ABCA5: variants seen among roughly 807,000 people sequenced by gnomAD.
ABCA5 encodes ATP binding cassette subfamily A member 5, also known as cholesterol transporter ABCA5.
In ABCA5, 163 loss-of-function variants were observed where a neutral mutation model predicts 206.0. The ratio of observed to expected loss-of-function variants is 0.79; its 90% CI spans 0.70 to 0.90. ABCA5 has a LOEUF of 0.90. ABCA5 is among the 40% of genes least tolerant of loss of function. The probability of loss-of-function intolerance (pLI) is 0.00; values close to 1 mark genes in which losing one functional copy is unlikely to be tolerated. For synonymous variants in ABCA5, 609 were observed against 613.8 expected, an observed-to-expected ratio of 0.99 and a Z score of 0.11; for missense variants, 1,859 against 1,912.9, an observed-to-expected ratio of 0.97 and a Z score of 0.53.
chr17:69,277,929 G>A (rs1440951389), intron 18 of ABCA5, 87 bp from the exon 19 acceptor site: 3 of 995,716 alleles, frequency 3.0e-6, no homozygotes, highest in Non-Finnish European at 4.3e-6. Context: ...AAGAAGCATT[G>A]GTCTGGCAGT....
rs772306933 is a variant in ABCA5 at position 69,270,584 on chromosome 17, G to A, written c.3030+29C>T. ...TTATTATATATATGACATGCATATG[G>A]AAATTTATCTGTATATACATTGGCT... On this transcript the variant is annotated intron_variant, in intron 22 of 38. Transcript: ENST00000392676. 2.6e-6 allele frequency: 4 copies of A among 1,545,388 alleles called. No individual in the cohort carries two copies. The South Asian group carries it at 5.1e-5, about 20-fold the overall frequency.
At position 69,270,638 on chromosome 17, in the gene ABCA5, T is replaced by C. The variant is rs757856122; in HGVS notation, c.3005A>G (p.Gln1002Arg). The C allele has an allele frequency of 6.3e-7, 1 of 1,595,472 alleles. No individual in the cohort carries two copies. The highest frequency in any genetic ancestry group is 8.5e-7 in the Non-Finnish European group (1 of 1,173,682). The change falls in exon 22 of 39, where the codon CAG becomes CGG. Residue 1002 changes from glutamine to arginine, a missense_variant. By Grantham distance (43) the Gln-to-Arg change is conservative. Transcript: ENST00000392676. Reference protein sequence around the residue: ...LYHLNVTETIQIWSTPFFQEI... With the variant: ...LYHLNVTETIRIWSTPFFQEI... ...TTGAAAGAATGGGGTACTCCAGATC[T>C]GGATGGTTTCAGTCACATTTAAATG... is the stretch of plus-strand genomic sequence containing the variant.
At chr17:69,273,912 C>A in intron 20 of ABCA5, 47 bp downstream of exon 20, 1 of 1,544,926 alleles carries the variant, frequency 6.5e-7, no homozygotes, top group Admixed American at 2.1e-5. Context: ...CCCCTCAACC[C>A]CATGCTCCAT....
intron 7 of ABCA5, among the ~76,000 whole-genome samples, chr17:69,303,845 C>CATATAT (rs1421146542): frequency 1.8e-3 from 11 of 6,208 alleles, no homozygotes; most frequent in South Asian, 9.3e-3. Context: ...TATATACATA[C>CATATAT]ATATATATAT....
At chr17:69,262,179 T>A (rs1446926436) in intron 24 of ABCA5, among the ~76,000 whole-genome samples, 2 of 152,188 alleles carry the variant, frequency 1.3e-5, no homozygotes, top group East Asian at 3.8e-4. Context: ...CATGTGAACA[T>A]GAATGCAAAT....
chr17:69,271,325 GT>G (rs1459566290), intron 20 of ABCA5, 36 bp from the exon 21 acceptor site: 18 of 1,579,784 alleles, frequency 1.1e-5, no homozygotes, highest in Non-Finnish European at 1.5e-5. Flanking sequence ...TAAAAAATGA[GT>G]CTAAACGAGG....
intron 9 of ABCA5, 25 bp downstream of exon 9, chr17:69,301,114 T>G: frequency 6.7e-7 from 1 of 1,488,552 alleles, no homozygotes; most frequent in Non-Finnish European, 8.9e-7. Flanking sequence ...ATCTTTAAAG[T>G]AAAATTCAAA....
In ABCA5 at chr17:69,304,816, A is replaced by G. The variant is rs1423359214; in HGVS notation, c.789-6T>C. The G allele has an allele frequency of 6.3e-7, 1 of 1,583,854 alleles. No individual in the cohort carries two copies. The highest frequency in any genetic ancestry group is 8.6e-7 in the Non-Finnish European group (1 of 1,167,798). On this transcript the variant is annotated splice_region_variant and splice_polypyrimidine_tract_variant and intron_variant, in intron 6 of 38. Coordinates refer to ENST00000392676, the MANE Select transcript of ABCA5 (RefSeq NM_172232.4). ...ATAGAAGAACCCAGGAAAGCCTAAA[A>G]TGAGAATACAGATATAGTTATGGTC...
chr17:69,293,993 C>T (rs2075558630), intron 11 of ABCA5, among the ~76,000 whole-genome samples: 1 of 151,802 alleles, frequency 6.6e-6, no homozygotes, highest in Admixed American at 6.6e-5. Flanking sequence ...ATTATCAGGA[C>T]CAAAATGTCA....
intron 18 of ABCA5, among the ~76,000 whole-genome samples, chr17:69,278,642 T>C (rs1166447559): frequency 1.3e-5 from 2 of 152,224 alleles, no homozygotes; most frequent in East Asian, 3.8e-4. Flanking sequence ...GTAGTGTGAA[T>C]AAGGTATGTC....
intron 5 of ABCA5, 36 bp downstream of exon 5, chr17:69,308,244 G>T: frequency 7.7e-7 from 1 of 1,305,700 alleles, no homozygotes. Context: ...TTTTAAAATG[G>T]CATAGTTTTT....
intron 1 of ABCA5, chr17:69,315,452 G>A (rs2075806642): frequency 6.6e-6 from 1 of 152,166 alleles, no homozygotes; most frequent in African/African-American, 2.4e-5. Context: ...AAAACCCAAA[G>A]TCTCATACAA....
In ABCA5 at chr17:69,248,124, T is replaced by C. The variant is rs2144882847; in HGVS notation, c.4821+138A>G. 1.9e-5 allele frequency: 10 copies of C among 529,848 alleles called. No individual in the cohort carries two copies. The South Asian group carries it at 2.8e-4, about 15-fold the overall frequency. 32.8% of individuals were successfully genotyped at this position (529,848 alleles called of 1,614,324 possible). On this transcript the variant is annotated intron_variant, in intron 38 of 38. Transcript: ENST00000392676. The stretch of plus-strand genomic sequence containing the variant: ...GTGAAGAACCTAAGGTTGATTAAAA[T>C]TATACCAAGTTTAAGATCATTCTGT...
intron 1 of ABCA5, among the ~76,000 whole-genome samples, chr17:69,319,320 A>C (rs995687176): frequency 2.6e-5 from 4 of 152,208 alleles, no homozygotes; most frequent in Non-Finnish European, 2.9e-5. Flanking sequence ...TTGGATGCTT[A>C]ACTCTTCATT....
chr17:69,261,434 C>T (rs1261879085), intron 25 of ABCA5, among the ~76,000 whole-genome samples, 175 bp from the exon 26 acceptor site: 3 of 151,994 alleles, frequency 2.0e-5, no homozygotes, highest in South Asian at 2.1e-4. Flanking sequence ...CCTTGATACA[C>T]TAGTTGCTAA....
rs2075051599 is a variant in ABCA5 at position 69,254,425 on chromosome 17, G to C, written c.4134C>G (p.Tyr1378Ter). 1.2e-6 allele frequency: 2 copies of C among 1,613,518 alleles called. No individual in the cohort carries two copies. Among genetic ancestry groups the C allele is most frequent in the East Asian group, 2.2e-5 (1 of 44,830 alleles). Residue 1378 changes from tyrosine (Y) to a stop codon, truncating the protein, a stop_gained, in exon 32 of 39, where the codon TAC (tyrosine) becomes TAG (stop). Coordinates refer to ENST00000392676, the MANE Select transcript of ABCA5 (RefSeq NM_172232.4). LOFTEE classifies it high-confidence loss of function. ...GCCACAAAGGGTTTATCTGAGGACA[G>C]TAACCCATACACTTCAGTGAATCAT... ...EDDDSLKCMG[Y>*]CPQINPLWPD...
chr17:69,260,344 A>G lies in ABCA5; in HGVS notation c.3633T>C (p.Val1211=), dbSNP rs768730491. 2 of 1,603,788 alleles carry G rather than the reference A, an allele frequency of 1.2e-6. No homozygotes were observed. The highest frequency in any genetic ancestry group is 1.7e-6 in the Non-Finnish European group (2 of 1,173,702). ...YNPWDRLSVA[V]ISPYLQCVLW... is the part of the protein sequence containing the mutation. Reference sequence around the variant, plus strand: ...AAAACACTTTATTTCTTACCGATATAACAGCTACTGAAAGCCTATCCCATG... The same window carrying G: ...AAAACACTTTATTTCTTACCGATATGACAGCTACTGAAAGCCTATCCCATG... Residue 1211 remains valine (V), a synonymous_variant, in exon 27 of 39, where the codon GTT becomes GTC. Transcript: ENST00000392676.
At position 69,326,720 on chromosome 17, in the gene ABCA5, C is replaced by G. The variant is rs1266402464; in HGVS notation, c.-16+332G>C. ...CAGCGTCCAGGCAAAGGCAGTGTCC[C>G]GAAGTCCCACGGCCGGACCCGGTCC... On this transcript the variant is annotated intron_variant, in intron 1 of 38. Transcript: ENST00000392676. This position sits in a 1 kb window ranked among gnomAD's most constrained non-coding sequence, Gnocchi z 4.8. 6.6e-6 allele frequency among the ~76,000 whole-genome samples: 1 copy of G among 152,192 alleles called. No homozygotes were observed. Among genetic ancestry groups the G allele is most frequent in the Non-Finnish European group, 1.5e-5 (1 of 68,022 alleles).
rs2144881123 is a variant in ABCA5, at chr17:69,247,144, T to C, written c.*393A>G. ...TTATGTATCTTTTCTATGCATTAGT[T>C]ATGAATTAGTTTTTTATTTAGATTG... On this transcript the variant is annotated 3_prime_UTR_variant, in exon 39 of 39. Coordinates refer to ENST00000392676, the MANE Select transcript of ABCA5 (RefSeq NM_172232.4). 6.5e-6 allele frequency: 1 copy of C among 153,354 alleles called. No homozygotes were observed. The highest frequency in any genetic ancestry group is 2.0e-4 in the South Asian group (1 of 4,890). The allele number at this position is 153,354 out of a possible 1,614,324, so 9.5% of individuals were successfully genotyped here. A position where few individuals can be genotyped will look rare whatever the true frequency, so the allele number is the denominator to read the frequency against.
Sources: gnomAD v4.1 joint callset for allele counts (sites outside exome capture counted in the v4.1 genomes callset) on GRCh38, gnomAD v4.1.1 for gene constraint, Gnocchi (gnomAD v3.1) non-coding constraint, MANE v1.5 for transcripts, NCBI Gene and HGNC (gene_info 2026-07-23, HGNC 2026-07-21) for gene names.